Variants in GLB1 observed in about 807,000 individuals in gnomAD.
The protein encoded by GLB1 is galactosidase beta 1, also known as beta-galactosidase.
A neutral mutation model predicts 74.0 loss-of-function variants in GLB1; 56 were observed. That is an observed-to-expected ratio of 0.76 (90% CI 0.61 to 0.94). The LOEUF (loss-of-function observed/expected upper bound fraction) is 0.94. GLB1 is among the 40% of genes least tolerant of loss of function. GLB1 has a pLI of 0.00. For synonymous variants in GLB1, 323 were observed against 323.6 expected (o/e 1.00, Z 0.02); for missense variants, 787 against 845.5 (o/e 0.93, Z 0.86).
At chr3:33,096,462 C>T in intron 1 of GLB1, 7 of 985,004 alleles carry the variant, frequency 7.1e-6, no homozygotes, top group Non-Finnish European at 8.4e-6. Context: ...AAAGAAAAAC[C>T]CAAGCCAAAG....
intron 10 of GLB1, among the ~76,000 whole-genome samples, chr3:33,042,481 C>T (rs973384735): frequency 4.4e-4 from 64 of 146,366 alleles, no homozygotes; most frequent in African/African-American, 1.5e-3. Context: ...CATTCTTCTG[C>T]CTCAGCCTCC....
chr3:32,981,800 C>CTGA, the GLB1 span, among the ~76,000 whole-genome samples: 1 of 151,930 alleles, frequency 6.6e-6, no homozygotes, highest in African/African-American at 2.4e-5. Context: ...GATATTTTGC[C>CTGA]TGATACTAAC....
In GLB1 at chr3:32,996,831, T is replaced by C. The variant is rs777017369; in HGVS notation, c.*214A>G. The C allele has an allele frequency of 8.3e-6, 6 of 721,704 alleles. No individual in the cohort carries two copies. Among genetic ancestry groups the C allele is most frequent in the East Asian group, 2.8e-5 (1 of 35,506 alleles). The allele number at this position is 721,704 out of a possible 1,614,324, so 44.7% of individuals were successfully genotyped here. On this transcript the variant is annotated 3_prime_UTR_variant, in exon 16 of 16. Coordinates refer to ENST00000307363, the MANE Select transcript of GLB1 (RefSeq NM_000404.4). ...TCCATTCCAGCCCTGCAGATATGTATGCACGTTACTGTGCTGTCAGCCCCT... is the reference window on the plus strand; with the variant it reads ...TCCATTCCAGCCCTGCAGATATGTACGCACGTTACTGTGCTGTCAGCCCCT...
intron 9 of GLB1, among the ~76,000 whole-genome samples, chr3:33,046,884 T>C (rs539444849): frequency 9.3e-4 from 142 of 152,332 alleles, no homozygotes; most frequent in African/African-American, 2.9e-3. Context: ...TCCCAGCAGC[T>C]AGGGCTGTTG....
intron 15 of GLB1, among the ~76,000 whole-genome samples, chr3:33,004,187 G>A (rs1164440816): frequency 6.6e-6 from 1 of 152,208 alleles, no homozygotes; most frequent in Non-Finnish European, 1.5e-5. Flanking sequence ...ACCCTGCTCA[G>A]TCGTGTGAAC....
chr3:32,997,654 T>A (rs1366716547), intron 15 of GLB1, among the ~76,000 whole-genome samples: 1 of 152,206 alleles, frequency 6.6e-6, no homozygotes, highest in Non-Finnish European at 1.5e-5. Context: ...CCACAGATGT[T>A]GGTACCAGAG....
At chr3:33,016,922 C>T in intron 13 of GLB1, 82 bp from the exon 14 acceptor site, 2 of 1,575,412 alleles carry the variant, frequency 1.3e-6, no homozygotes, top group South Asian at 2.3e-5. Context: ...GTTAATTTAG[C>T]ACTCATTTTC....
At chr3:33,011,054 G>A (rs1161699416) in intron 15 of GLB1, among the ~76,000 whole-genome samples, 1 of 152,014 alleles carries the variant, frequency 6.6e-6, no homozygotes, top group Non-Finnish European at 1.5e-5. Context: ...ATGGGGTTCT[G>A]CCATGTTGCC....
At chr3:32,990,884 G>C in the GLB1 span, among the ~76,000 whole-genome samples, 1 of 152,182 alleles carries the variant, frequency 6.6e-6, no homozygotes, top group Non-Finnish European at 1.5e-5. Flanking sequence ...TGAGGCAGGA[G>C]AATGGCGTGA....
chr3:33,007,126 G>A (rs1052906292), intron 15 of GLB1, among the ~76,000 whole-genome samples: 7 of 152,200 alleles, frequency 4.6e-5, no homozygotes, highest in African/African-American at 1.7e-4. Context: ...AACCACATTG[G>A]TTCTGTGTTA....
intron 1 of GLB1, among the ~76,000 whole-genome samples, chr3:33,079,774 G>C (rs1315299161): frequency 6.6e-6 from 1 of 152,186 alleles, no homozygotes; most frequent in Non-Finnish European, 1.5e-5. Flanking sequence ...AGAGAAGGCA[G>C]AGGAGAGAGT....
chr3:33,008,764 TGAA>T (rs1696886553), intron 15 of GLB1, among the ~76,000 whole-genome samples: 1 of 151,916 alleles, frequency 6.6e-6, no homozygotes, highest in Non-Finnish European at 1.5e-5. Context: ...GGAGGAGGAA[TGAA>T]GGAGGCAGAG....
chr3:33,017,524 G>T (rs1294882321), intron 13 of GLB1, among the ~76,000 whole-genome samples: 5 of 152,190 alleles, frequency 3.3e-5, no homozygotes, highest in African/African-American at 1.2e-4. Context: ...TTGATTACAA[G>T]AGAATGGGAA....
chr3:33,030,862 C>T (rs2125489822), intron 10 of GLB1: 1 of 978,412 alleles, frequency 1.0e-6, no homozygotes, highest in African/African-American at 1.7e-5. Flanking sequence ...GTTGATTTGA[C>T]AGCATACAAA....
intron 10 of GLB1, chr3:33,030,324 T>C (rs1697952876): frequency 1.1e-5 from 2 of 182,042 alleles, no homozygotes; most frequent in South Asian, 3.7e-4. Flanking sequence ...AGCGATCACA[T>C]CAGTGTTTTA....
chr3:32,994,920 CAAA>C (rs56169200), downstream of GLB1, among the ~76,000 whole-genome samples: 3 of 115,770 alleles, frequency 2.6e-5, no homozygotes, highest in Admixed American at 1.7e-4. Context: ...GACTCTGTTT[CAAA>C]AAAAAAAAAA....
intron 1 of GLB1, among the ~76,000 whole-genome samples, chr3:33,076,763 A>T (rs1309512363): frequency 6.6e-6 from 1 of 152,212 alleles, no homozygotes; most frequent in Non-Finnish European, 1.5e-5. Context: ...GGGAGAAAAA[A>T]TTCATTGGTC....
chr3:33,029,837 A>G (rs955089951), intron 10 of GLB1, among the ~76,000 whole-genome samples: 30 of 151,998 alleles, frequency 2.0e-4, no homozygotes, highest in African/African-American at 7.3e-4. Context: ...TCAAAGAATG[A>G]CCTATCAGGT....
Position 33,068,280 on chromosome 3 carries a change from G to A in GLB1, c.407C>T (p.Pro136Leu), listed in dbSNP as rs1575471281. The change falls in exon 4 of 16, where the codon CCT becomes CTT. Residue 136 changes from proline (P) to leucine (L), a missense_variant. Pro to Leu is a moderately conservative substitution (Grantham distance 98). Transcript: ENST00000307363. ...AGACTCTTTCTCTAGCAGCCAAGCA[G>A]GTAATCCTCCCTAGTTCAGGGAAAA... is the stretch of plus-strand genomic sequence containing the variant. Reference protein sequence around the residue: ...ICAEWEMGGLPAWLLEKESIL... With the variant: ...ICAEWEMGGLLAWLLEKESIL... 1 of 1,614,116 alleles carries A rather than the reference G, an allele frequency of 6.2e-7. No homozygotes were observed. The highest frequency in any genetic ancestry group is 1.1e-5 in the South Asian group (1 of 91,078).
Sources: gnomAD v4.1 joint callset for allele counts (sites outside exome capture counted in the v4.1 genomes callset) on GRCh38, gnomAD v4.1.1 for gene constraint, MANE v1.5 for transcripts, NCBI Gene and HGNC (gene_info 2026-07-23, HGNC 2026-07-21) for gene names.